The following ZNF410 variants were observed in gnomAD, a reference collection of about 807,000 sequenced individuals.
ZNF410 encodes another partner for ARF 1.
ZNF410 carries 18 observed loss-of-function variants against 54.8 expected under a neutral mutation model. That is an observed-to-expected ratio of 0.33 (90% confidence interval 0.23 to 0.49). ZNF410 has a LOEUF of 0.49. Ranked by LOEUF, ZNF410 falls within the 20% of genes least tolerant of loss-of-function variation. ZNF410 has a pLI of 0.99. For missense variants in ZNF410, 405 were observed against 569.6 expected, an observed-to-expected ratio of 0.71 and a Z score of 2.94; for synonymous variants, 191 against 207.3, an observed-to-expected ratio of 0.92 and a Z score of 0.68.
intron 5 of ZNF410, among the ~76,000 whole-genome samples, chr14:73,900,730 C>T (rs1194042311): frequency 1.6e-5 from 2 of 124,000 alleles, no homozygotes; most frequent in African/African-American, 6.3e-5. Context: ...CACCCACTAA[C>T]ACAAGCTTGT....
At position 73,901,096 on chromosome 14, in the gene ZNF410, G is replaced by C. The variant is rs140210325; in HGVS notation, c.580+2834G>C. Among the ~76,000 whole-genome samples, 974 of 152,292 alleles carry C rather than the reference G, an allele frequency of 6.4e-3. 6 individuals carry two copies. Among genetic ancestry groups the C allele is most frequent in the Middle Eastern group, 0.01 (3 of 294 alleles). ...CATGTTATCTTCACTTACAGTCTAA[G>C]TTGTTTGAAATACAGAAACGTTTTA... On this transcript the variant is annotated intron_variant, in intron 5 of 11. Transcript: ENST00000555044.
chr14:73,916,578 TC>T (rs1458906860), intron 8 of ZNF410: 8 of 152,146 alleles, frequency 5.3e-5, no homozygotes, highest in Admixed American at 5.2e-4. Context: ...CAACAACAGT[TC>T]CCAGGCTTAC....
intron 8 of ZNF410, 171 bp downstream of exon 8, chr14:73,909,601 C>G (rs2055545022): frequency 4.0e-6 from 2 of 503,770 alleles, no homozygotes; most frequent in South Asian, 2.8e-5. Context: ...TTCTTATAAT[C>G]AAGGTTGGGG....
intron 11 of ZNF410, among the ~76,000 whole-genome samples, chr14:73,930,774 A>T (rs567328394): frequency 7.3e-5 from 11 of 151,362 alleles, no homozygotes; most frequent in African/African-American, 2.7e-4. Context: ...AATTTTTAAA[A>T]TTTTCTTGTA....
chr14:73,928,935 T>C (rs1043614063), intron 11 of ZNF410, among the ~76,000 whole-genome samples: 3 of 152,026 alleles, frequency 2.0e-5, no homozygotes, highest in East Asian at 1.9e-4. Flanking sequence ...GGAGAGATCC[T>C]ATCCCAAAAA....
intron 8 of ZNF410, chr14:73,915,814 C>G (rs1300224995): frequency 6.6e-6 from 1 of 152,176 alleles, no homozygotes; most frequent in East Asian, 1.9e-4. Context: ...CTGTATGCTA[C>G]TAATTTTACT....
At chr14:73,899,731 G>A (rs1441569947) in intron 5 of ZNF410, among the ~76,000 whole-genome samples, 1 of 152,080 alleles carries the variant, frequency 6.6e-6, no homozygotes, top group Non-Finnish European at 1.5e-5. Context: ...ATTTTCTTAC[G>A]ATCTGAACAT....
At chr14:73,905,190 G>C in intron 7 of ZNF410, 107 bp downstream of exon 7, 1 of 1,211,448 alleles carries the variant, frequency 8.3e-7, no homozygotes. Flanking sequence ...GTCTGGGGTT[G>C]TTGCTAGAAC....
intron 11 of ZNF410, among the ~76,000 whole-genome samples, chr14:73,928,147 C>T (rs953396034): frequency 1.3e-5 from 2 of 152,112 alleles, no homozygotes; most frequent in Admixed American, 6.5e-5. Context: ...CCTAAACTGG[C>T]AGTTTTTAAG....
rs116091943 is a variant in ZNF410, at chr14:73,908,951, A to G, written c.914-390A>G. Reference sequence around the variant, plus strand: ...GAGACTTCCTCTCCAAAAAAATTATACTTTTAGATGGATCTACAAACTGAG... The same window carrying G: ...GAGACTTCCTCTCCAAAAAAATTATGCTTTTAGATGGATCTACAAACTGAG... On this transcript the variant is annotated intron_variant, in intron 7 of 11. Coordinates refer to ENST00000555044, the MANE Select transcript of ZNF410 (RefSeq NM_021188.3). 3.6e-3 allele frequency among the ~76,000 whole-genome samples: 548 copies of G among 152,286 alleles called. 2 individuals carry two copies. The highest frequency in any genetic ancestry group is 0.013 in the African/African-American group (529 of 41,558).
intron 8 of ZNF410, chr14:73,909,743 T>C (rs1388554583): frequency 1.4e-5 from 3 of 221,728 alleles, no homozygotes; most frequent in Non-Finnish European, 2.7e-5. Context: ...TCTTTAGGAA[T>C]TGACATTTTT....
At chr14:73,905,218 T>A in intron 7 of ZNF410, 135 bp downstream of exon 7, 1 of 871,954 alleles carries the variant, frequency 1.1e-6, no homozygotes, top group Non-Finnish European at 1.7e-6. Context: ...ATGGGATTTC[T>A]TTTTCAAATG....
At chr14:73,930,899 C>T (rs1457073076) in intron 11 of ZNF410, among the ~76,000 whole-genome samples, 1 of 152,172 alleles carries the variant, frequency 6.6e-6, no homozygotes, top group Non-Finnish European at 1.5e-5. Flanking sequence ...CTGCACCCAG[C>T]CTCATTTTGT....
chr14:73,903,090 A>T (rs1257712973), intron 5 of ZNF410, among the ~76,000 whole-genome samples: 1 of 152,212 alleles, frequency 6.6e-6, no homozygotes. Context: ...GCCCACACTG[A>T]ACCAGAATGA....
intron 8 of ZNF410, among the ~76,000 whole-genome samples, chr14:73,911,908 T>C (rs555994835): frequency 3.9e-5 from 6 of 152,214 alleles, no homozygotes; most frequent in African/African-American, 9.6e-5. Flanking sequence ...TTGACTCCTA[T>C]AGAATAGCCC....
intron 5 of ZNF410, chr14:73,902,170 GC>G (rs1467268651): frequency 4.7e-5 from 7 of 149,112 alleles, no homozygotes; most frequent in African/African-American, 1.7e-4. Flanking sequence ...CTGGGTTCAC[GC>G]CATTCTCCTG....
chr14:73,909,787 A>G (rs2055549575), intron 8 of ZNF410, among the ~76,000 whole-genome samples: 2 of 152,210 alleles, frequency 1.3e-5, no homozygotes, highest in African/African-American at 4.8e-5. Context: ...AGAAGAAAGT[A>G]AAAAGACTGA....
chr14:73,907,960 G>C (rs2055516696), intron 7 of ZNF410, among the ~76,000 whole-genome samples: 1 of 151,824 alleles, frequency 6.6e-6, no homozygotes, highest in Non-Finnish European at 1.5e-5. Flanking sequence ...TATGTGCCAG[G>C]CACTATGCTG....
chr14:73,927,953 T>C (rs755134156), intron 11 of ZNF410: 6 of 171,446 alleles, frequency 3.5e-5, no homozygotes, highest in African/African-American at 7.2e-5. Flanking sequence ...TTCTCATGTC[T>C]CAGACTCCTG....
Sources: gnomAD v4.1 joint callset for allele counts (sites outside exome capture counted in the v4.1 genomes callset) on GRCh38, gnomAD v4.1.1 for gene constraint, MANE v1.5 for transcripts, NCBI Gene and HGNC (gene_info 2026-07-23, HGNC 2026-07-21) for gene names.